Variants in PDS5B observed in about 807,000 individuals in gnomAD.
The protein encoded by PDS5B is sister chromatid cohesion protein PDS5 homolog B.
Under a neutral mutation model 184.1 loss-of-function variants are expected in PDS5B, and 51 were observed. The ratio of observed to expected loss-of-function variants is 0.28; its 90% CI spans 0.22 to 0.35. The LOEUF (loss-of-function observed/expected upper bound fraction) is 0.35, where lower values mean the gene tolerates loss of function less well. PDS5B is among the 10% of genes least tolerant of loss of function. PDS5B has a pLI of 1.00. For missense variants in PDS5B, 1,180 were observed against 1,723.3 expected (o/e 0.68, Z 5.58); for synonymous variants, 566 against 569.2 (o/e 0.99, Z 0.08).
intron 7 of PDS5B, among the ~76,000 whole-genome samples, chr13:32,672,843 A>G (rs1171357507): frequency 6.6e-6 from 1 of 152,214 alleles, no homozygotes; most frequent in Non-Finnish European, 1.5e-5. Flanking sequence ...AGACACACCC[A>G]AGACACGTTG....
intron 1 of PDS5B, among the ~76,000 whole-genome samples, chr13:32,587,143 C>T (rs913414930): frequency 6.8e-6 from 1 of 147,944 alleles, no homozygotes; most frequent in Non-Finnish European, 1.5e-5. Context: ...GGGCGGGGAC[C>T]GCGGGTCGGG....
chr13:32,623,807 C>T (rs1269173673), intron 1 of PDS5B, among the ~76,000 whole-genome samples: 2 of 151,502 alleles, frequency 1.3e-5, no homozygotes, highest in African/African-American at 4.9e-5. Context: ...ATAATCTATT[C>T]CTTTTTTTTG....
intron 24 of PDS5B, among the ~76,000 whole-genome samples, chr13:32,746,658 A>G (rs1447735398): frequency 2.0e-5 from 3 of 152,226 alleles, no homozygotes; most frequent in Non-Finnish European, 4.4e-5. Flanking sequence ...GTACTTCATC[A>G]TGAAATAACA....
At chr13:32,707,100 A>G (rs1952045891) in intron 18 of PDS5B, 61 bp downstream of exon 18, 1 of 872,960 alleles carries the variant, frequency 1.1e-6, no homozygotes, top group Non-Finnish European at 1.8e-6. Context: ...TACAGTTTAT[A>G]TTATTTGTTC....
chr13:32,749,343 G>A (rs1953883480), intron 24 of PDS5B, among the ~76,000 whole-genome samples: 1 of 152,154 alleles, frequency 6.6e-6, no homozygotes, highest in Admixed American at 6.5e-5. Flanking sequence ...GCAGTCCTCT[G>A]ATACGTACAG....
intron 1 of PDS5B, among the ~76,000 whole-genome samples, chr13:32,598,895 C>T (rs1161513561): frequency 1.3e-5 from 2 of 151,470 alleles, no homozygotes; most frequent in African/African-American, 4.8e-5. Flanking sequence ...CTCAGCCTTC[C>T]AAGTAGCTGG....
At chr13:32,748,777 G>A (rs1036545495) in intron 24 of PDS5B, among the ~76,000 whole-genome samples, 3 of 151,982 alleles carry the variant, frequency 2.0e-5, no homozygotes, top group African/African-American at 7.2e-5. Flanking sequence ...GCCTATATAA[G>A]TGTTAAATAA....
In PDS5B at chr13:32,770,524, G is replaced by A. The variant is rs1400806564; in HGVS notation, c.4028G>A (p.Ser1343Asn). 10 of 1,609,692 alleles carry A rather than the reference G, an allele frequency of 6.2e-6. No individual in the cohort carries two copies. Among genetic ancestry groups the A allele is most frequent in the Non-Finnish European group, 7.6e-6 (9 of 1,179,046 alleles). ...GGAAATACGGAACAGAAGTCCAAAA[G>A]CAAACAGCACCGAGTGTCAAGGAGA... ...QSGNTEQKSK[S>N]KQHRVSRRAQ... The change falls in exon 32 of 35, where the codon AGC becomes AAC. Residue 1343 changes from serine to asparagine, a missense_variant. Ser to Asn is a conservative substitution (Grantham distance 46). Transcript: ENST00000315596.
At chr13:32,592,684 C>T (rs886249492) in intron 1 of PDS5B, among the ~76,000 whole-genome samples, 3 of 152,094 alleles carry the variant, frequency 2.0e-5, no homozygotes, top group Non-Finnish European at 2.9e-5. Flanking sequence ...AGTTGGAATT[C>T]GGAAGGTCAC....
At chr13:32,737,275 T>G (rs1265498061) in intron 21 of PDS5B, among the ~76,000 whole-genome samples, 4 of 152,196 alleles carry the variant, frequency 2.6e-5, no homozygotes, top group African/African-American at 9.6e-5. Flanking sequence ...AATGGAAGTT[T>G]GGCTTCAGTT....
chr13:32,763,521 G>C (rs773945384), intron 30 of PDS5B: 2 of 152,110 alleles, frequency 1.3e-5, no homozygotes, highest in African/African-American at 4.8e-5. Flanking sequence ...TGAGCAATCA[G>C]TTGAGAATAA....
In PDS5B at chr13:32,741,117, A is replaced by T. The variant is rs1200835274; in HGVS notation, c.2444A>T (p.Asp815Val). ...GKKTTKLWVP[D>V]EEVSPETMVK... Reference sequence around the variant, plus strand: ...AAGACAACTAAACTTTGGGTTCCAGATGAAGAAGTATCTCCTGAGACAATG... The same window carrying T: ...AAGACAACTAAACTTTGGGTTCCAGTTGAAGAAGTATCTCCTGAGACAATG... The change falls in exon 22 of 35, where the codon GAT (aspartate) becomes GTT (valine). Residue 815 changes from aspartate to valine, a missense_variant. This residue lies in a region of PDS5B where 475 missense variants were observed against 691.5 expected (regional missense o/e 0.69). Transcript: ENST00000315596. 2 of 1,578,166 alleles carry T rather than the reference A, an allele frequency of 1.3e-6. No homozygotes were observed. The highest frequency in any genetic ancestry group is 1.7e-6 in the Non-Finnish European group (2 of 1,151,668).
intron 1 of PDS5B, among the ~76,000 whole-genome samples, chr13:32,644,899 A>G (rs1950180990): frequency 6.6e-6 from 1 of 152,102 alleles, no homozygotes; most frequent in Non-Finnish European, 1.5e-5. Flanking sequence ...CCTTCCCGGG[A>G]TAAACACTTA....
chr13:32,598,731 G>C (rs928430975), intron 1 of PDS5B, among the ~76,000 whole-genome samples: 8 of 148,678 alleles, frequency 5.4e-5, no homozygotes, highest in African/African-American at 2.0e-4. Flanking sequence ...GGATATTTTT[G>C]CTGGATATAG....
intron 20 of PDS5B, among the ~76,000 whole-genome samples, chr13:32,734,666 G>C (rs989963966): frequency 6.6e-6 from 1 of 152,158 alleles, no homozygotes; most frequent in Non-Finnish European, 1.5e-5. Flanking sequence ...AGTGAGTAGA[G>C]CCTGTGGAGA....
chr13:32,755,806 GTTTT>G (rs199745922), intron 25 of PDS5B, 32 bp from the exon 26 acceptor site: 2 of 967,692 alleles, frequency 2.1e-6, no homozygotes, highest in Non-Finnish European at 3.0e-6. Flanking sequence ...TTTTTCTTTT[GTTTT>G]TTTTTGTTTG....
At chr13:32,751,725 TTAAG>T (rs375672828) in intron 24 of PDS5B, among the ~76,000 whole-genome samples, 303 of 152,338 alleles carry the variant, frequency 2.0e-3, no homozygotes, top group Non-Finnish European at 3.8e-3. Flanking sequence ...GTTAATTTAT[TTAAG>T]TTTCTTAGAG....
Position 32,615,344 on chromosome 13 carries a change from T to C in PDS5B, c.-20+28751T>C, listed in dbSNP as rs529954279. ...TTTCAGTTACTCATCAGATAGTTTT[T>C]CATCAATTGCAAAATTATATTATCC... On this transcript the variant is annotated intron_variant, in intron 1 of 34. Coordinates refer to ENST00000315596, the MANE Select transcript of PDS5B (RefSeq NM_015032.4). Among the ~76,000 whole-genome samples, 12 of 152,322 alleles carry C rather than the reference T, an allele frequency of 7.9e-5. No individual in the cohort carries two copies. The South Asian group carries it at 2.3e-3, about 29-fold the overall frequency.
At chr13:32,665,681 C>T (rs1341406018) in intron 6 of PDS5B, among the ~76,000 whole-genome samples, 1 of 149,622 alleles carries the variant, frequency 6.7e-6, no homozygotes, top group Non-Finnish European at 1.5e-5. Flanking sequence ...GAGAGCAAAG[C>T]CGTATGAGAA....
Sources: gnomAD v4.1 joint callset for allele counts (sites outside exome capture counted in the v4.1 genomes callset) on GRCh38, gnomAD v4.1.1 for gene constraint, gnomAD v4.1.1 regional missense constraint, MANE v1.5 for transcripts, NCBI Gene and HGNC (gene_info 2026-07-23, HGNC 2026-07-21) for gene names.